The following PSME4 variants were observed in gnomAD, a reference collection of about 807,000 sequenced individuals.
PSME4 encodes the protein proteasome activator subunit 4.
In PSME4, 89 loss-of-function variants were observed where a neutral mutation model predicts 253.9. That is an observed-to-expected ratio of 0.35 (90% CI 0.30 to 0.42). The LOEUF is 0.42. Ranked by LOEUF, PSME4 falls within the 10% of genes least tolerant of loss-of-function variation. The pLI, the probability that PSME4 is intolerant of heterozygous loss-of-function variation, is 1.00. For synonymous variants in PSME4, 851 were observed against 759.2 expected (o/e 1.12, Z -1.99); for missense variants, 2,014 against 2,195.2 (o/e 0.92, Z 1.65).
intron 4 of PSME4, among the ~76,000 whole-genome samples, chr2:53,938,343 G>C (rs909214241): frequency 6.6e-6 from 1 of 152,126 alleles, no homozygotes; most frequent in African/African-American, 2.4e-5. Flanking sequence ...TACAGGCTGT[G>C]ATATTCCATA....
chr2:53,898,118 G>T, intron 30 of PSME4, 119 bp from the exon 31 acceptor site: 1 of 1,278,216 alleles, frequency 7.8e-7, no homozygotes, highest in South Asian at 1.5e-5. Flanking sequence ...GTCTAGTGAA[G>T]AATACTGCTC....
At position 53,888,847 on chromosome 2, in the gene PSME4, G is replaced by A. The variant is rs772105116; in HGVS notation, c.4297-35C>T. On this transcript the variant is annotated intron_variant, in intron 37 of 46. Transcript: ENST00000404125. ...AAATATGATGTAACAGTTCAACAGA[G>A]AACCTACAATTCTGTAAACAAATCA... 9.6e-6 allele frequency: 14 copies of A among 1,452,090 alleles called. No individual in the cohort carries two copies. The African/African-American group carries it at 1.7e-4, about 17-fold the overall frequency. The allele number at this position is 1,452,090 out of a possible 1,614,324, so 90.0% of individuals were successfully genotyped here.
At chr2:53,884,092 A>G (rs1472586109) in intron 41 of PSME4, among the ~76,000 whole-genome samples, 2 of 152,210 alleles carry the variant, frequency 1.3e-5, no homozygotes, top group Admixed American at 6.5e-5. Flanking sequence ...CTATGACATG[A>G]TGCCTTTGTA....
intron 34 of PSME4, among the ~76,000 whole-genome samples, chr2:53,894,711 G>A (rs921904234): frequency 3.9e-5 from 6 of 152,248 alleles, no homozygotes; most frequent in South Asian, 2.1e-4. Context: ...CCTTCAAAAC[G>A]CTTGTATCAG....
intron 1 of PSME4, among the ~76,000 whole-genome samples, chr2:53,960,266 G>A (rs765812778): frequency 3.3e-5 from 5 of 152,130 alleles, no homozygotes; most frequent in Non-Finnish European, 5.9e-5. Context: ...AGGCATGGTG[G>A]CGGGCGCCTG....
chr2:53,919,840 T>C (rs1309886226), intron 19 of PSME4, among the ~76,000 whole-genome samples: 1 of 152,114 alleles, frequency 6.6e-6, no homozygotes, highest in Non-Finnish European at 1.5e-5. Context: ...ATAAAAATAA[T>C]TCTTAAAATA....
intron 26 of PSME4, among the ~76,000 whole-genome samples, chr2:53,905,680 C>T (rs1394412071): frequency 2.6e-5 from 4 of 152,154 alleles, no homozygotes; most frequent in Non-Finnish European, 4.4e-5. Flanking sequence ...GTGATGTACG[C>T]CTATAATCCC....
At chr2:53,946,611 T>A (rs1669716683) in intron 3 of PSME4, among the ~76,000 whole-genome samples, 1 of 152,254 alleles carries the variant, frequency 6.6e-6, no homozygotes, top group Admixed American at 6.5e-5. Context: ...TAAAAAATAC[T>A]GGGGCCAGGT....
chr2:53,895,240 C>G (rs1680089216), intron 33 of PSME4, among the ~76,000 whole-genome samples, 164 bp from the exon 34 acceptor site: 1 of 152,146 alleles, frequency 6.6e-6, no homozygotes, highest in South Asian at 2.1e-4. Context: ...TATCAGATCA[C>G]TGTGTCCTAA....
chr2:53,890,112 T>A lies in PSME4; in HGVS notation c.4288A>T (p.Thr1430Ser), dbSNP rs777983969. 1 of 1,610,852 alleles carries A rather than the reference T, an allele frequency of 6.2e-7. No individual in the cohort carries two copies. The highest frequency in any genetic ancestry group is 2.2e-5 in the East Asian group (1 of 44,856). ...TYNDWGACIA[T>S]SCESRDPRKL... ...GATGTAGGGTAACTTACACAGGATG[T>A]TGCTATACAAGCTCCCCAGTCATTA... Residue 1430 changes from threonine (T) to serine (S), a missense_variant, in exon 37 of 47, where the codon ACA (threonine) becomes TCA (serine). By Grantham distance (58) the Thr-to-Ser change is moderately conservative. This residue lies in a region of PSME4 where 403 missense variants were observed against 556.1 expected (regional missense o/e 0.72). Coordinates refer to ENST00000404125, the MANE Select transcript of PSME4 (RefSeq NM_014614.3).
At chr2:53,891,853 C>G (rs1324142411) in intron 36 of PSME4, among the ~76,000 whole-genome samples, 3 of 112,218 alleles carry the variant, frequency 2.7e-5, no homozygotes, top group African/African-American at 1.1e-4. Context: ...TAGAGTAAGA[C>G]TGTCCAAAAA....
chr2:53,877,234 G>T (rs1480646710), intron 41 of PSME4, among the ~76,000 whole-genome samples: 15 of 127,194 alleles, frequency 1.2e-4, no homozygotes, highest in Non-Finnish European at 3.1e-5. Context: ...AACAGAGCAA[G>T]ATCCTGCCTC....
chr2:53,967,398 C>A (rs1009427612), intron 1 of PSME4, among the ~76,000 whole-genome samples: 9 of 151,862 alleles, frequency 5.9e-5, no homozygotes, highest in Non-Finnish European at 1.5e-5. Flanking sequence ...AGCCTGTAAT[C>A]CCGCACTTTG....
At chr2:53,948,369 C>T in intron 3 of PSME4, 52 bp downstream of exon 3, 2 of 1,101,794 alleles carry the variant, frequency 1.8e-6, no homozygotes, top group East Asian at 2.4e-5. Context: ...TGATCACCCC[C>T]CTAAAAAACC....
chr2:53,940,978 T>C (rs60105223), intron 3 of PSME4, among the ~76,000 whole-genome samples: 9,273 of 71,004 alleles, frequency 0.13, 1,550 homozygotes, highest in East Asian at 0.42. Flanking sequence ...TATATATATA[T>C]ATATATATAT....
chr2:53,864,916 ACAAT>A lies in PSME4; in HGVS notation c.*658_*661del, dbSNP rs1167976361. ...TAAAATCACACATTGAATACACACA[ACAAT>A]CAGATTTCTTCACCAAACCCCCAAT... On this transcript the variant is annotated 3_prime_UTR_variant, in exon 47 of 47. Coordinates refer to ENST00000404125, the MANE Select transcript of PSME4 (RefSeq NM_014614.3). 2.0e-5 allele frequency: 3 copies of A among 152,624 alleles called. No homozygotes were observed. Among genetic ancestry groups the A allele is most frequent in the African/African-American group, 7.2e-5 (3 of 41,444 alleles). The allele number at this position is 152,624 out of a possible 1,614,324, so 9.5% of individuals were successfully genotyped here. A position where few individuals can be genotyped will look rare whatever the true frequency, so the allele number is the denominator to read the frequency against.
At chr2:53,909,481 G>A (rs560651678) in intron 21 of PSME4, among the ~76,000 whole-genome samples, 1 of 152,142 alleles carries the variant, frequency 6.6e-6, no homozygotes, top group African/African-American at 2.4e-5. Flanking sequence ...ACATAAATGA[G>A]CATTATGATA....
In PSME4 at chr2:53,901,381, C is replaced by G; in HGVS notation, c.3254G>C (p.Arg1085Thr). Residue 1085 changes from arginine to threonine, a missense_variant, in exon 28 of 47, where the codon AGG (arginine) becomes ACG (threonine). This residue lies in a region of PSME4 where 989 missense variants were observed against 1,021.1 expected (regional missense o/e 0.97). Coordinates refer to ENST00000404125, the MANE Select transcript of PSME4 (RefSeq NM_014614.3). ...GTCCAAGCCAATTGTTTCATACTGC[C>G]TATGAATCTTTTCTGCAAGATCATC... ...LFDDLAEKIH[R>T]QYETIGLDFT... The G allele has an allele frequency of 6.2e-7, 1 of 1,613,858 alleles. No homozygotes were observed. Among genetic ancestry groups the G allele is most frequent in the Non-Finnish European group, 8.5e-7 (1 of 1,179,776 alleles).
chr2:53,904,084 G>A lies in PSME4; in HGVS notation c.3016C>T (p.Pro1006Ser), dbSNP rs781641166. Reference protein sequence around the residue: ...AYNFCCRDIIPLVLEFLRPDR... With the variant: ...AYNFCCRDIISLVLEFLRPDR... ...GGCCTTAAGAACTCCAAAACCAAGGGAATGATATCTCTGCAACAGAAGTTA... is the reference window on the plus strand; with the variant it reads ...GGCCTTAAGAACTCCAAAACCAAGGAAATGATATCTCTGCAACAGAAGTTA... The change falls in exon 27 of 47, where the codon CCC becomes TCC. Residue 1006 changes from proline (P) to serine (S), a missense_variant. Pro to Ser is a moderately conservative substitution (Grantham distance 74). Transcript: ENST00000404125. The A allele has an allele frequency of 1.2e-6, 2 of 1,613,702 alleles. No individual in the cohort carries two copies. The highest frequency in any genetic ancestry group is 2.2e-5 in the East Asian group (1 of 44,810).
Sources: gnomAD v4.1 joint callset for allele counts (sites outside exome capture counted in the v4.1 genomes callset) on GRCh38, gnomAD v4.1.1 for gene constraint, gnomAD v4.1.1 regional missense constraint, MANE v1.5 for transcripts, NCBI Gene and HGNC (gene_info 2026-07-23, HGNC 2026-07-21) for gene names.